The following FLVCR1 variants were observed in gnomAD, a reference collection of about 807,000 sequenced individuals.
FLVCR1 encodes the protein FLVCR choline and heme transporter 1.
Under a neutral mutation model 53.6 loss-of-function variants are expected in FLVCR1, and 34 were observed. The observed-to-expected ratio is 0.63, with a 90% CI of 0.48 to 0.84. FLVCR1 has a LOEUF of 0.84. Ranked by LOEUF, FLVCR1 falls within the 40% of genes least tolerant of loss-of-function variation. The pLI is 0.00. For missense variants in FLVCR1, 677 were observed against 696.7 expected, an observed-to-expected ratio of 0.97 and a Z score of 0.32; for synonymous variants, 300 against 286.3, an observed-to-expected ratio of 1.05 and a Z score of -0.48.
intron 3 of FLVCR1, 138 bp from the exon 4 acceptor site, chr1:212,883,233 C>T: frequency 3.1e-6 from 2 of 637,512 alleles, no homozygotes; most frequent in South Asian, 3.7e-5. Flanking sequence ...CCTTTATCAA[C>T]TGTGTTAAGA....
intron 2 of FLVCR1, 48 bp from the exon 3 acceptor site, chr1:212,872,630 A>G (rs575446314): frequency 8.5e-7 from 1 of 1,170,756 alleles, no homozygotes; most frequent in Non-Finnish European, 1.2e-6. Context: ...ATAACAACAT[A>G]TTGTATATAT....
At chr1:212,878,497 C>G (rs996901143) in intron 3 of FLVCR1, among the ~76,000 whole-genome samples, 8 of 137,534 alleles carry the variant, frequency 5.8e-5, no homozygotes, top group Non-Finnish European at 1.5e-5. Context: ...CGCACCACTG[C>G]AACTCCAGCC....
intron 8 of FLVCR1, among the ~76,000 whole-genome samples, chr1:212,891,690 A>G (rs1357146109): frequency 1.3e-5 from 2 of 152,150 alleles, no homozygotes; most frequent in Non-Finnish European, 2.9e-5. Context: ...TATTACCCCT[A>G]CAGTGGCCTC....
intron 1 of FLVCR1, 33 bp downstream of exon 1, chr1:212,859,223 C>T: frequency 6.2e-7 from 1 of 1,613,802 alleles, no homozygotes; most frequent in South Asian, 1.1e-5. Context: ...AAAGTCAGAT[C>T]CTTAAAAGAC....
At chr1:212,888,162 T>C (rs1345656101) in intron 6 of FLVCR1, among the ~76,000 whole-genome samples, 161 bp downstream of exon 6, 2 of 152,228 alleles carry the variant, frequency 1.3e-5, no homozygotes, top group Non-Finnish European at 2.9e-5. Flanking sequence ...TCTTAAGAAC[T>C]ATTAAAAATT....
At chr1:212,878,180 A>C (rs181875364) in intron 3 of FLVCR1, among the ~76,000 whole-genome samples, 2 of 152,238 alleles carry the variant, frequency 1.3e-5, no homozygotes, top group Non-Finnish European at 2.9e-5. Flanking sequence ...CTTTACAGAA[A>C]ATGTTTAGTG....
chr1:212,881,653 G>A (rs947429273), intron 3 of FLVCR1, among the ~76,000 whole-genome samples: 12 of 151,884 alleles, frequency 7.9e-5, no homozygotes, highest in Admixed American at 2.6e-4. Context: ...GAGCCACTGC[G>A]CCCAGCCAAG....
Position 212,897,166 on chromosome 1 carries a change from C to CAAATAAATAAATAAAT in FLVCR1, c.*1908_*1923dup, listed in dbSNP as rs141272551. Reference sequence around the variant, plus strand: ...CCTGGGAGATAAAGTGAGACTGTCTCAAATAAATAAATAAATAAATAAATA... The same window carrying CAAATAAATAAATAAAT: ...CCTGGGAGATAAAGTGAGACTGTCTCAAATAAATAAATAAATAAATAAATAAATAAATAAATAAATA... On this transcript the variant is annotated 3_prime_UTR_variant, in exon 10 of 10. Coordinates refer to ENST00000366971, the MANE Select transcript of FLVCR1 (RefSeq NM_014053.4). The CAAATAAATAAATAAAT allele has an allele frequency of 2.4e-4, 34 of 143,590 alleles. No homozygotes were observed. The highest frequency in any genetic ancestry group is 4.0e-4 in the African/African-American group (15 of 37,256). The allele number at this position is 143,590 out of a possible 1,614,324, so 8.9% of individuals were successfully genotyped here.
chr1:212,888,762 A>G (rs1665119936), intron 7 of FLVCR1, among the ~76,000 whole-genome samples, 168 bp downstream of exon 7: 1 of 152,114 alleles, frequency 6.6e-6, no homozygotes, highest in African/African-American at 2.4e-5. Flanking sequence ...ATGGCTAACT[A>G]TAGCCTCAAA....
At position 212,888,512 on chromosome 1, in the gene FLVCR1, C is replaced by T. The variant is rs1274346968; in HGVS notation, c.1331C>T (p.Pro444Leu). The T allele has an allele frequency of 6.2e-7, 1 of 1,613,422 alleles. No individual in the cohort carries two copies. Among genetic ancestry groups the T allele is most frequent in the Non-Finnish European group, 8.5e-7 (1 of 1,179,606 alleles). Residue 444 changes from proline to leucine, a missense_variant, in exon 7 of 10, where the codon CCT becomes CTT. Transcript: ENST00000366971. ...AGCTTCTTCATGACTGGTTACCTCC[C>T]TTTGGGTTTTGAATTTGCTGTTGAA... ...VLGFFMTGYLPLGFEFAVEIT... is the reference protein window; with the variant it reads ...VLGFFMTGYLLLGFEFAVEIT...
At chr1:212,886,810 A>T (rs1417549591) in intron 5 of FLVCR1, among the ~76,000 whole-genome samples, 1 of 151,108 alleles carries the variant, frequency 6.6e-6, no homozygotes, top group Non-Finnish European at 1.5e-5. Context: ...TAAAAAAATA[A>T]AAAAAAAAGA....
intron 3 of FLVCR1, among the ~76,000 whole-genome samples, chr1:212,875,431 T>C (rs189597749): frequency 9.9e-5 from 15 of 151,712 alleles, no homozygotes; most frequent in African/African-American, 3.6e-4. Flanking sequence ...GAAGAGAGGG[T>C]TGGATTTGAA....
In FLVCR1 at chr1:212,895,575, TTTACTTTTTAAAAGTCGA is replaced by T. The variant is rs1446609157; in HGVS notation, c.*287_*304del. Reference sequence around the variant, plus strand: ...GTATCTGAAAGTAAGCTTCTTGACGTTTACTTTTTAAAAGTCGATGTTTTTCTTTTTTGTAGAAAATGG... The same window carrying T: ...GTATCTGAAAGTAAGCTTCTTGACGTTGTTTTTCTTTTTTGTAGAAAATGG... On this transcript the variant is annotated 3_prime_UTR_variant, in exon 10 of 10. Transcript: ENST00000366971. 1 of 406,514 alleles carries T rather than the reference TTTACTTTTTAAAAGTCGA, an allele frequency of 2.5e-6. No individual in the cohort carries two copies. Among genetic ancestry groups the T allele is most frequent in the African/African-American group, 2.0e-5 (1 of 49,526 alleles). 25.2% of individuals were successfully genotyped at this position (406,514 alleles called of 1,614,324 possible).
chr1:212,891,547 ATCAAG>A (rs1207363412), intron 8 of FLVCR1, among the ~76,000 whole-genome samples: 5 of 152,358 alleles, frequency 3.3e-5, no homozygotes, highest in African/African-American at 1.2e-4. Flanking sequence ...ATTCAAACAA[ATCAAG>A]TCTAGAAAAT....
intron 7 of FLVCR1, among the ~76,000 whole-genome samples, chr1:212,888,824 G>A (rs1194558782): frequency 6.6e-6 from 1 of 151,986 alleles, no homozygotes; most frequent in East Asian, 1.9e-4. Context: ...TTTTGGGACT[G>A]CAGGTGCACA....
intron 3 of FLVCR1, among the ~76,000 whole-genome samples, chr1:212,878,826 A>C (rs1664841204): frequency 6.6e-6 from 1 of 151,988 alleles, no homozygotes. Context: ...TCATCTCTAC[A>C]AAAAATACAA....
At chr1:212,868,006 T>G (rs942043746) in intron 2 of FLVCR1, among the ~76,000 whole-genome samples, 1 of 152,132 alleles carries the variant, frequency 6.6e-6, no homozygotes, top group Non-Finnish European at 1.5e-5. Context: ...GGTTTCACCG[T>G]GTTAGCCAGG....
At chr1:212,893,081 A>T in intron 8 of FLVCR1, among the ~76,000 whole-genome samples, 1 of 142,864 alleles carries the variant, frequency 7.0e-6, no homozygotes, top group Non-Finnish European at 1.5e-5. Flanking sequence ...GGGGTGCCGG[A>T]ATGTTGCTGT....
intron 4 of FLVCR1, among the ~76,000 whole-genome samples, chr1:212,884,404 C>T (rs562317839): frequency 3.9e-5 from 6 of 152,044 alleles, no homozygotes; most frequent in Admixed American, 2.0e-4. Flanking sequence ...CTCAAAAAAA[C>T]GAAACAAAAC....
Sources: gnomAD v4.1 joint callset for allele counts (sites outside exome capture counted in the v4.1 genomes callset) on GRCh38, gnomAD v4.1.1 for gene constraint, MANE v1.5 for transcripts, NCBI Gene and HGNC (gene_info 2026-07-23, HGNC 2026-07-21) for gene names.